The following SLC38A1 variants were observed in gnomAD, a reference collection of about 807,000 sequenced individuals.
SLC38A1 encodes the protein solute carrier family 38 member 1, also known as sodium-coupled neutral amino acid symporter 1.
SLC38A1 carries 18 observed loss-of-function variants against 60.3 expected under a neutral mutation model. That is an observed-to-expected ratio of 0.30 (90% CI 0.21 to 0.44). The LOEUF (loss-of-function observed/expected upper bound fraction) is 0.44. Among genes scored for constraint, SLC38A1 ranks in the 20% least tolerant of loss-of-function variants. The pLI is 1.00. For synonymous variants in SLC38A1, 196 were observed against 212.1 expected (o/e 0.92, Z 0.66); for missense variants, 448 against 587.2 (o/e 0.76, Z 2.45).
intron 1 of SLC38A1, among the ~76,000 whole-genome samples, chr12:46,262,889 C>T (rs923589452): frequency 7.2e-5 from 11 of 152,306 alleles, no homozygotes; most frequent in African/African-American, 2.6e-4. Flanking sequence ...GGGTCTCTGT[C>T]TCCTCACCTT....
At chr12:46,189,112 A>G in intron 16 of SLC38A1, 41 bp from the exon 17 acceptor site, 1 of 1,540,272 alleles carries the variant, frequency 6.5e-7, no homozygotes, top group East Asian at 2.3e-5. Context: ...CAGTGCAGCA[A>G]AATTTTTCCA....
intron 3 of SLC38A1, among the ~76,000 whole-genome samples, chr12:46,238,139 G>A (rs1244637616): frequency 6.6e-6 from 1 of 151,712 alleles, no homozygotes; most frequent in Non-Finnish European, 1.5e-5. Flanking sequence ...CAGTTATTAA[G>A]GATATGTGGT....
intron 1 of SLC38A1, among the ~76,000 whole-genome samples, chr12:46,248,178 CAT>C (rs1565790867): frequency 6.6e-6 from 1 of 152,162 alleles, no homozygotes; most frequent in Non-Finnish European, 1.5e-5. Context: ...CAAACTCACA[CAT>C]AACAATATTA....
chr12:46,198,840 G>A, intron 13 of SLC38A1, 97 bp from the exon 14 acceptor site: 1 of 724,176 alleles, frequency 1.4e-6, no homozygotes, highest in Admixed American at 2.6e-5. Context: ...AAACTAAAGG[G>A]CAAGAAAAGC....
intron 3 of SLC38A1, among the ~76,000 whole-genome samples, chr12:46,232,648 G>A (rs1941119095): frequency 6.6e-6 from 1 of 152,206 alleles, no homozygotes; most frequent in African/African-American, 2.4e-5. Context: ...AAATATTTAA[G>A]TGTTGTTGTC....
intron 16 of SLC38A1, among the ~76,000 whole-genome samples, chr12:46,189,345 C>A (rs1270034474): frequency 6.6e-6 from 1 of 151,896 alleles, no homozygotes; most frequent in Non-Finnish European, 1.5e-5. Context: ...TGTATGTATC[C>A]ATTCTACAAA....
intron 16 of SLC38A1, among the ~76,000 whole-genome samples, chr12:46,191,364 G>A (rs2136852483): frequency 6.6e-6 from 1 of 152,292 alleles, no homozygotes; most frequent in South Asian, 2.1e-4. Context: ...AAGTCAGGTA[G>A]CATGATGCCT....
chr12:46,216,811 G>C (rs1940435344), intron 5 of SLC38A1, among the ~76,000 whole-genome samples: 1 of 151,862 alleles, frequency 6.6e-6, no homozygotes, highest in Non-Finnish European at 1.5e-5. Context: ...AGTGAGCTGA[G>C]ATCATGTCAC....
chr12:46,207,060 A>G lies in SLC38A1; in HGVS notation c.563+95T>C, dbSNP rs573528941. The G allele has an allele frequency of 2.1e-4, 174 of 815,800 alleles. No homozygotes were observed. In the African/African-American group the frequency reaches 2.8e-3, roughly 13 times the overall value. The allele number at this position is 815,800 out of a possible 1,614,324, so 50.5% of individuals were successfully genotyped here. The stretch of plus-strand genomic sequence containing the variant: ...ACAAACAAAACGCAGCCTAGGAAAA[A>G]CTTTCTGCAATATTCACAAGCAAGA... On this transcript the variant is annotated intron_variant, in intron 8 of 16. Coordinates refer to ENST00000398637, the MANE Select transcript of SLC38A1 (RefSeq NM_030674.4).
At position 46,188,232 on chromosome 12, in the gene SLC38A1, A is replaced by G. The variant is rs1050153738; in HGVS notation, c.*738T>C. On this transcript the variant is annotated 3_prime_UTR_variant, in exon 17 of 17. Transcript: ENST00000398637. ...AGGGAAAAAATACTTCATTTGCTAG[A>G]TTACCCAAATGTGTAGCTTCATTTA... is the stretch of plus-strand genomic sequence containing the variant. 2.0e-5 allele frequency: 3 copies of G among 152,242 alleles called. No homozygotes were observed. Among genetic ancestry groups the G allele is most frequent in the African/African-American group, 7.2e-5 (3 of 41,474 alleles). The allele number at this position is 152,242 out of a possible 1,614,324, so 9.4% of individuals were successfully genotyped here.
At chr12:46,256,240 T>G (rs548099616) in intron 1 of SLC38A1, among the ~76,000 whole-genome samples, 127 of 151,856 alleles carry the variant, frequency 8.4e-4, no homozygotes, top group African/African-American at 2.9e-3. Context: ...ATATCTGACC[T>G]GCATAATTTA....
At chr12:46,228,986 A>G (rs2137909135) in intron 5 of SLC38A1, among the ~76,000 whole-genome samples, 167 bp downstream of exon 5, 1 of 152,378 alleles carries the variant, frequency 6.6e-6, no homozygotes, top group East Asian at 1.9e-4. Flanking sequence ...AGCATTAGGT[A>G]CAGTTTGGAA....
chr12:46,209,041 G>A lies in SLC38A1; in HGVS notation c.388+13C>T, dbSNP rs376157321. 46 of 1,591,730 alleles carry A rather than the reference G, an allele frequency of 2.9e-5. No homozygotes were observed. In the African/African-American group the frequency reaches 3.8e-4, roughly 13 times the overall value. On this transcript the variant is annotated intron_variant, in intron 6 of 16. Transcript: ENST00000398637. ...CCCTGGTTTTAACAAAATCAAACAC[G>A]TCCTCAGCTTACCTGTTTCTTTTGA...
intron 16 of SLC38A1, among the ~76,000 whole-genome samples, chr12:46,195,122 T>G (rs1252849444): frequency 6.6e-6 from 1 of 152,160 alleles, no homozygotes; most frequent in Non-Finnish European, 1.5e-5. Context: ...GGGGATTTGG[T>G]GTGGATGTCC....
At chr12:46,204,268 CT>C in intron 11 of SLC38A1, 32 bp downstream of exon 11, 1 of 1,318,186 alleles carries the variant, frequency 7.6e-7, no homozygotes, top group Non-Finnish European at 1.1e-6. Flanking sequence ...AATAAAAATG[CT>C]TGTTTCATCT....
At chr12:46,200,967 G>A (rs1939629586) in intron 13 of SLC38A1, 131 bp downstream of exon 13, 1 of 675,878 alleles carries the variant, frequency 1.5e-6, no homozygotes. Flanking sequence ...TTAAGTCGAA[G>A]AAAAAACTAG....
At chr12:46,221,071 C>G (rs750842652) in intron 5 of SLC38A1, among the ~76,000 whole-genome samples, 1 of 152,020 alleles carries the variant, frequency 6.6e-6, no homozygotes, top group African/African-American at 2.4e-5. Context: ...TTATATTTTT[C>G]GACTTATCCT....
chr12:46,201,915 C>T (rs763206278), intron 12 of SLC38A1, among the ~76,000 whole-genome samples: 1 of 150,288 alleles, frequency 6.7e-6, no homozygotes, highest in Non-Finnish European at 1.5e-5. Flanking sequence ...GAAGTAGGCC[C>T]CGCGCGGTGG....
intron 1 of SLC38A1, among the ~76,000 whole-genome samples, chr12:46,247,037 A>G (rs1308527154): frequency 1.3e-5 from 2 of 152,244 alleles, no homozygotes; most frequent in East Asian, 3.8e-4. Flanking sequence ...GGTCACCAAC[A>G]TCAAAGACCA....
Sources: gnomAD v4.1 joint callset for allele counts (sites outside exome capture counted in the v4.1 genomes callset) on GRCh38, gnomAD v4.1.1 for gene constraint, MANE v1.5 for transcripts, NCBI Gene and HGNC (gene_info 2026-07-23, HGNC 2026-07-21) for gene names.